The following HP1BP3 variants were observed in gnomAD, a reference collection of about 807,000 sequenced individuals.
HP1BP3 encodes heterochromatin protein 1 binding protein 3, also known as heterochromatin protein 1-binding protein 3.
A neutral mutation model predicts 62.5 loss-of-function variants in HP1BP3; 12 were observed. The ratio of observed to expected loss-of-function variants is 0.19; its 90% CI spans 0.12 to 0.31. HP1BP3 has a LOEUF of 0.31. Among genes scored for constraint, HP1BP3 ranks in the 10% least tolerant of loss-of-function variants. HP1BP3 has a pLI of 1.00. For synonymous variants in HP1BP3, 260 were observed against 237.8 expected (o/e 1.09, Z -0.86); for missense variants, 502 against 651.8 (o/e 0.77, Z 2.50).
chr1:20,753,521 T>C (rs1326138428), intron 9 of HP1BP3, among the ~76,000 whole-genome samples: 1 of 152,238 alleles, frequency 6.6e-6, no homozygotes, highest in Non-Finnish European at 1.5e-5. Flanking sequence ...TGTTGTCGTA[T>C]ATAATGAAAT....
chr1:20,765,503 G>A lies in HP1BP3; in HGVS notation c.764C>T (p.Pro255Leu). The part of the protein sequence containing the change: ...KNRSSAVDPE[P>L]QVKLEDVLPL... ...GAGGACATCCTCCAATTTTACTTGT[G>A]GTTCTGGATCCACTGCAGAGCTCCT... Residue 255 changes from proline (P) to leucine (L), a missense_variant, in exon 8 of 13, where the codon CCA becomes CTA. This residue lies in a region of HP1BP3 where 111 missense variants were observed against 242.0 expected (regional missense o/e 0.46). Coordinates refer to ENST00000438032, the MANE Select transcript of HP1BP3 (RefSeq NM_001372052.1). 3 of 1,613,430 alleles carry A rather than the reference G, an allele frequency of 1.9e-6. No homozygotes were observed. Among genetic ancestry groups the A allele is most frequent in the Non-Finnish European group, 2.5e-6 (3 of 1,179,616 alleles).
At chr1:20,783,037 A>G (rs1288622456) in intron 1 of HP1BP3, among the ~76,000 whole-genome samples, 7 of 151,682 alleles carry the variant, frequency 4.6e-5, no homozygotes, top group African/African-American at 1.7e-4. Context: ...GCCAGTGTCC[A>G]GGAGTTCCAG....
chr1:20,776,064 A>G, intron 4 of HP1BP3: 1 of 1,391,040 alleles, frequency 7.2e-7, no homozygotes, highest in Middle Eastern at 2.5e-4. Flanking sequence ...CACTTTATAT[A>G]GATACACATC....
At chr1:20,767,554 A>T in intron 7 of HP1BP3, 30 bp downstream of exon 7, 2 of 1,401,090 alleles carry the variant, frequency 1.4e-6, no homozygotes, top group South Asian at 1.2e-5. Flanking sequence ...ACAGCTCCAC[A>T]GCACTCAAAC....
intron 1 of HP1BP3, among the ~76,000 whole-genome samples, chr1:20,785,077 C>G (rs555344827): frequency 6.6e-6 from 1 of 152,272 alleles, no homozygotes; most frequent in East Asian, 1.9e-4. Context: ...TATGCGCCAC[C>G]ACAGCCGGAT....
In HP1BP3 at chr1:20,743,342, T is replaced by G. The variant is rs1028034594; in HGVS notation, c.*1455A>C. 2.6e-5 allele frequency: 4 copies of G among 152,656 alleles called. No individual in the cohort carries two copies. The highest frequency in any genetic ancestry group is 3.4e-3 in the Middle Eastern group (1 of 294). 9.5% of individuals were successfully genotyped at this position (152,656 alleles called of 1,614,324 possible). A position where few individuals can be genotyped will look rare whatever the true frequency, so the allele number is the denominator to read the frequency against. ...AAGAAGTGACAACTCATGCTCCAAA[T>G]ATTAAAAAATATATTTAAACATATG... is the stretch of plus-strand genomic sequence containing the variant. On this transcript the variant is annotated 3_prime_UTR_variant, in exon 13 of 13. Coordinates refer to ENST00000438032, the MANE Select transcript of HP1BP3 (RefSeq NM_001372052.1).
At chr1:20,752,306 T>C (rs1484089819) in intron 9 of HP1BP3, among the ~76,000 whole-genome samples, 3 of 152,036 alleles carry the variant, frequency 2.0e-5, no homozygotes, top group African/African-American at 4.8e-5. Context: ...CTGTCTTTTT[T>C]TTTTTGGAGA....
In HP1BP3 at chr1:20,772,848, C is replaced by T. The variant is rs887688244; in HGVS notation, c.510+603G>A. Among the ~76,000 whole-genome samples, 3 of 152,128 alleles carry T rather than the reference C, an allele frequency of 2.0e-5. No homozygotes were observed. In the East Asian group the frequency reaches 5.8e-4, roughly 29 times the overall value. ...ACCTTTAAAAATTAAAATAGGAAAA[C>T]TACATCTAATGAAAGTCAATGAAAT... On this transcript the variant is annotated intron_variant, in intron 5 of 12. Coordinates refer to ENST00000438032, the MANE Select transcript of HP1BP3 (RefSeq NM_001372052.1).
intron 1 of HP1BP3, among the ~76,000 whole-genome samples, chr1:20,781,690 G>T (rs574710395): frequency 1.3e-5 from 2 of 152,220 alleles, no homozygotes; most frequent in East Asian, 3.9e-4. Context: ...GCGGTGGCAC[G>T]ATCTCAGCTC....
intron 1 of HP1BP3, among the ~76,000 whole-genome samples, chr1:20,784,031 A>C (rs938737824): frequency 1.2e-4 from 19 of 152,048 alleles, no homozygotes; most frequent in Non-Finnish European, 2.4e-4. Context: ...CTCAGGTTGT[A>C]GTATCACAGC....
chr1:20,758,483 A>G (rs769655155), intron 8 of HP1BP3, among the ~76,000 whole-genome samples: 61 of 151,832 alleles, frequency 4.0e-4, no homozygotes, highest in Non-Finnish European at 7.2e-4. Context: ...AGTAGCTGGG[A>G]CTACAGGCGC....
chr1:20,768,273 C>T (rs1016239736), intron 6 of HP1BP3, among the ~76,000 whole-genome samples: 4 of 151,802 alleles, frequency 2.6e-5, no homozygotes, highest in South Asian at 2.1e-4. Context: ...AGTGAAACCC[C>T]GTCTCTACTA....
chr1:20,783,992 T>C (rs866189311), intron 1 of HP1BP3, among the ~76,000 whole-genome samples: 2 of 146,400 alleles, frequency 1.4e-5, no homozygotes, highest in South Asian at 4.4e-4. Context: ...TTTTGTTTGT[T>C]TGTTTTAAGA....
chr1:20,773,693 G>A lies in HP1BP3; in HGVS notation c.351-83C>T, dbSNP rs183474234. On this transcript the variant is annotated intron_variant, in intron 4 of 12. Coordinates refer to ENST00000438032, the MANE Select transcript of HP1BP3 (RefSeq NM_001372052.1). ...TCAGAAGGAGGAAAAGACCAGGGAGGGATAAAAATTAATGCTTTAATTTAT... is the reference window on the plus strand; with the variant it reads ...TCAGAAGGAGGAAAAGACCAGGGAGAGATAAAAATTAATGCTTTAATTTAT... 285 of 932,900 alleles carry A rather than the reference G, an allele frequency of 3.1e-4. 1 individual carries two copies. In the African/African-American group the frequency reaches 4.5e-3, roughly 15 times the overall value. The allele number at this position is 932,900 out of a possible 1,614,324, so 57.8% of individuals were successfully genotyped here.
chr1:20,783,340 G>GA (rs1265408662), intron 1 of HP1BP3, among the ~76,000 whole-genome samples: 1 of 152,058 alleles, frequency 6.6e-6, no homozygotes, highest in Non-Finnish European at 1.5e-5. Context: ...CCAACATGGT[G>GA]AAACCCCATC....
chr1:20,776,123 T>C (rs1020825521), intron 4 of HP1BP3: 11 of 894,060 alleles, frequency 1.2e-5, no homozygotes, highest in Non-Finnish European at 1.8e-5. Context: ...TTCAACTGAA[T>C]ATTTCATCAA....
intron 7 of HP1BP3, 45 bp from the exon 8 acceptor site, chr1:20,765,576 T>C (rs767740328): frequency 8.8e-6 from 13 of 1,479,134 alleles, no homozygotes; most frequent in Non-Finnish European, 9.3e-6. Context: ...AGAACGTAAA[T>C]GTTTCTACAT....
intron 1 of HP1BP3, among the ~76,000 whole-genome samples, chr1:20,782,316 G>A (rs146831656): frequency 5.9e-4 from 90 of 152,154 alleles, no homozygotes; most frequent in Admixed American, 2.6e-3. Context: ...AGGTGTGGTG[G>A]CTCACACCTG....
intron 6 of HP1BP3, 130 bp downstream of exon 6, chr1:20,770,800 A>G: frequency 1.4e-6 from 1 of 697,644 alleles, no homozygotes; most frequent in Non-Finnish European, 2.2e-6. Context: ...AACTAGGTTA[A>G]ACTTAAGGAA....
Sources: gnomAD v4.1 joint callset for allele counts (sites outside exome capture counted in the v4.1 genomes callset) on GRCh38, gnomAD v4.1.1 for gene constraint, gnomAD v4.1.1 regional missense constraint, MANE v1.5 for transcripts, NCBI Gene and HGNC (gene_info 2026-07-23, HGNC 2026-07-21) for gene names.